ZMIZ1: variants seen among roughly 807,000 people sequenced by gnomAD.
ZMIZ1 encodes zinc finger MIZ domain-containing protein 1.
Under a neutral mutation model 113.9 loss-of-function variants are expected in ZMIZ1, and 17 were observed. The observed-to-expected ratio is 0.15, with a 90% confidence interval of 0.10 to 0.22. The LOEUF is 0.22. ZMIZ1 is among the 10% of genes least tolerant of loss of function. ZMIZ1 has a pLI of 1.00. For missense variants in ZMIZ1, 1,059 were observed against 1,477.8 expected (o/e 0.72, Z 4.65); for synonymous variants, 607 against 603.1 (o/e 1.01, Z -0.09).
intron 12 of ZMIZ1, chr10:79,294,943 G>A (rs1052422701): frequency 9.4e-5 from 6 of 63,878 alleles, no homozygotes; most frequent in African/African-American, 3.1e-4. Context: ...GGGAGAGAGA[G>A]GGGGGGGGGT....
intron 2 of ZMIZ1, among the ~76,000 whole-genome samples, chr10:79,127,874 GCCT>G (rs1391362705): frequency 3.9e-5 from 6 of 152,172 alleles, no homozygotes; most frequent in Non-Finnish European, 8.8e-5. Context: ...GGGAAGGAGG[GCCT>G]CCTCCCTCTT....
At chr10:79,094,164 C>T (rs1843087895) in intron 1 of ZMIZ1, among the ~76,000 whole-genome samples, 1 of 152,208 alleles carries the variant, frequency 6.6e-6, no homozygotes, top group African/African-American at 2.4e-5. Flanking sequence ...CTGGAAATGC[C>T]AAGGAACCCT....
intron 24 of ZMIZ1, among the ~76,000 whole-genome samples, chr10:79,311,391 GT>G (rs1222754859): frequency 1.3e-5 from 2 of 152,170 alleles, no homozygotes; most frequent in Non-Finnish European, 2.9e-5. Flanking sequence ...GCTGGCTCCT[GT>G]CCCCCCAGTC....
chr10:79,287,431 A>C (rs1370411600), intron 8 of ZMIZ1, among the ~76,000 whole-genome samples: 2 of 152,238 alleles, frequency 1.3e-5, no homozygotes, highest in African/African-American at 4.8e-5. Context: ...TCTACTCCAA[A>C]TGCGAGTCCT....
chr10:79,163,150 C>T (rs1846183678), intron 4 of ZMIZ1, among the ~76,000 whole-genome samples: 1 of 152,374 alleles, frequency 6.6e-6, no homozygotes, highest in South Asian at 2.1e-4. Flanking sequence ...CTGGGGCAGC[C>T]CGGGAGGGGG....
intron 5 of ZMIZ1, 130 bp from the exon 6 acceptor site, chr10:79,208,206 C>CTACCCCTT (rs1848409816): frequency 2.9e-6 from 2 of 687,670 alleles, no homozygotes; most frequent in Non-Finnish European, 5.0e-6. Flanking sequence ...CTGATCCCAG[C>CTACCCCTT]TACCCCTTTA....
chr10:79,079,353 A>G (rs1842583254), intron 1 of ZMIZ1, among the ~76,000 whole-genome samples: 1 of 152,170 alleles, frequency 6.6e-6, no homozygotes, highest in African/African-American at 2.4e-5. Flanking sequence ...GGTGGTCTGA[A>G]GCCTTGTTTC....
intron 7 of ZMIZ1, among the ~76,000 whole-genome samples, chr10:79,238,232 C>A (rs1371953983): frequency 6.6e-6 from 1 of 152,192 alleles, no homozygotes; most frequent in Non-Finnish European, 1.5e-5. Flanking sequence ...TGTAGAACTT[C>A]TCGGAGGTAC....
chr10:79,103,325 T>G (rs546418034), intron 1 of ZMIZ1, among the ~76,000 whole-genome samples: 405 of 151,968 alleles, frequency 2.7e-3, no homozygotes, highest in Non-Finnish European at 3.9e-3. Flanking sequence ...AGGAAAAGCT[T>G]TACAGCTGTA....
intron 4 of ZMIZ1, among the ~76,000 whole-genome samples, chr10:79,176,981 A>G (rs537674079): frequency 6.6e-6 from 1 of 152,284 alleles, no homozygotes; most frequent in South Asian, 2.1e-4. Flanking sequence ...TGTGCCATGC[A>G]CTGGGAATGA....
rs3897444 is a variant in ZMIZ1, at chr10:79,178,040, C to T, written c.-50+15907C>T. Among the ~76,000 whole-genome samples, 1,382 of 152,308 alleles carry T rather than the reference C, an allele frequency of 9.1e-3. 27 individuals are homozygous for T. The highest frequency in any genetic ancestry group is 0.032 in the African/African-American group (1,311 of 41,556). On this transcript the variant is annotated intron_variant, in intron 4 of 24. Coordinates refer to ENST00000334512, the MANE Select transcript of ZMIZ1 (RefSeq NM_020338.4). Reference sequence around the variant, plus strand: ...TTAGGAGGGGCCAGGGCAGTATCCTCATCACAAGCAGCTTGCTGCTGGCTT... The same window carrying T: ...TTAGGAGGGGCCAGGGCAGTATCCTTATCACAAGCAGCTTGCTGCTGGCTT...
intron 1 of ZMIZ1, among the ~76,000 whole-genome samples, chr10:79,084,858 C>T (rs1842760118): frequency 1.6e-5 from 1 of 62,342 alleles, no homozygotes; most frequent in Non-Finnish European, 2.9e-5. Context: ...TCCTGCTTTC[C>T]AGGGTGGTGG....
intron 6 of ZMIZ1, among the ~76,000 whole-genome samples, chr10:79,214,852 C>T (rs1036316231): frequency 1.3e-5 from 2 of 152,176 alleles, no homozygotes; most frequent in African/African-American, 4.8e-5. Context: ...ATGAGGAAGG[C>T]GGGTGTGAGG....
At chr10:79,104,545 T>C (rs185882911) in intron 1 of ZMIZ1, among the ~76,000 whole-genome samples, 1 of 152,338 alleles carries the variant, frequency 6.6e-6, no homozygotes, top group African/African-American at 2.4e-5. Flanking sequence ...GGTACAGAGA[T>C]GGGCCAACTC....
chr10:79,088,467 G>A (rs1177807558), intron 1 of ZMIZ1, among the ~76,000 whole-genome samples: 1 of 152,238 alleles, frequency 6.6e-6, no homozygotes, highest in Non-Finnish European at 1.5e-5. Flanking sequence ...TGGGTGTTCA[G>A]GCCTGCCTAG....
rs769743363 is a variant in ZMIZ1, at chr10:79,312,644, C to G, written c.3099C>G (p.Leu1033=). 4.3e-6 allele frequency: 7 copies of G among 1,614,210 alleles called. No homozygotes were observed. The South Asian group carries it at 6.6e-5, about 15-fold the overall frequency. Residue 1033 remains leucine, a splice_region_variant and synonymous_variant, in exon 25 of 25, where the codon CTC becomes CTG. Coordinates refer to ENST00000334512, the MANE Select transcript of ZMIZ1 (RefSeq NM_020338.4). ...ASDMPEPSLD[L]LPELTNPDEL... ...CTTCATTACTCCTTCTTTTCCAGCT[C>G]CTTCCCGAACTCACAAATCCTGACG... is the stretch of plus-strand genomic sequence containing the variant.
intron 6 of ZMIZ1, among the ~76,000 whole-genome samples, chr10:79,210,239 C>A (rs938074893): frequency 3.9e-5 from 6 of 152,206 alleles, no homozygotes; most frequent in Non-Finnish European, 7.3e-5. Context: ...CCGAGCCTGA[C>A]CCTGTCTATC....
intron 5 of ZMIZ1, among the ~76,000 whole-genome samples, chr10:79,203,288 CT>C (rs1405878292): frequency 3.3e-5 from 5 of 152,212 alleles, no homozygotes; most frequent in Non-Finnish European, 7.3e-5. Context: ...GCAGAGGAAT[CT>C]TAAAGTCTAT....
chr10:79,283,680 T>C (rs1338781312), intron 8 of ZMIZ1, among the ~76,000 whole-genome samples: 2 of 152,196 alleles, frequency 1.3e-5, no homozygotes, highest in African/African-American at 2.4e-5. Context: ...GAAAGACCCA[T>C]AAATCCCTGC....
Sources: allele counts gnomAD v4.1 joint callset (sites outside exome capture counted in the v4.1 genomes callset), GRCh38; gene constraint gnomAD v4.1.1; transcripts MANE v1.5; gene names NCBI Gene and HGNC (gene_info 2026-07-23, HGNC 2026-07-21).